The following KREMEN1 variants were observed in gnomAD, a reference collection of about 807,000 sequenced individuals.
KREMEN1 encodes kremen protein 1.
In KREMEN1, 30 loss-of-function variants were observed where a neutral mutation model predicts 46.5. That is an observed-to-expected ratio of 0.65 (90% CI 0.48 to 0.88). The LOEUF is 0.88. Ranked by LOEUF, KREMEN1 falls within the 40% of genes least tolerant of loss-of-function variation. The pLI is 0.00. For synonymous variants in KREMEN1, 214 were observed against 230.6 expected (o/e 0.93, Z 0.65); for missense variants, 533 against 596.9 (o/e 0.89, Z 1.11).
Position 29,164,769 on chromosome 22 carries a change from C to A in KREMEN1, c.1417-2275C>A, listed in dbSNP as rs1377071555. 6.2e-4 allele frequency among the ~76,000 whole-genome samples: 68 copies of A among 109,004 alleles called. 1 individual carries two copies. In the South Asian group the frequency reaches 0.012, roughly 19 times the overall value. 71.5% of individuals were successfully genotyped at this position (109,004 alleles called of 152,430 possible). A position where few individuals can be genotyped will look rare whatever the true frequency, so the allele number is the denominator to read the frequency against. ...CTCAAAAAAAAAACAAAAAAAAAAACCCAAAACAAGGAACTATGATTATCC... is the reference window on the plus strand; with the variant it reads ...CTCAAAAAAAAAACAAAAAAAAAAAACCAAAACAAGGAACTATGATTATCC... On this transcript the variant is annotated intron_variant, in intron 9 of 9. Transcript: ENST00000327813.
chr22:29,094,365 A>G lies in KREMEN1; in HGVS notation c.205A>G (p.Asn69Asp). 6.2e-7 allele frequency: 1 copy of G among 1,614,028 alleles called. No homozygotes were observed. Among genetic ancestry groups the G allele is most frequent in the African/African-American group, 1.3e-5 (1 of 75,010 alleles). The change falls in exon 2 of 9, where the codon AAC becomes GAC. Residue 69 changes from asparagine (N) to aspartate (D), a missense_variant. Asn to Asp is a conservative substitution (Grantham distance 23). Transcript: ENST00000400335. Reference sequence around the variant, plus strand: ...GAACGAGACTTTCCAGCATCCATACAACACTCTGAAATACCCCAACGGGGA... The same window carrying G: ...GAACGAGACTTTCCAGCATCCATACGACACTCTGAAATACCCCAACGGGGA... ...FWNETFQHPY[N>D]TLKYPNGEGG...
chr22:29,150,083 G>C (rs1241633756), downstream of KREMEN1, among the ~76,000 whole-genome samples: 1 of 152,224 alleles, frequency 6.6e-6, no homozygotes, highest in Admixed American at 6.5e-5. Context: ...TCAGCTCAAA[G>C]GGACACTTTA....
chr22:29,114,230 T>C (rs552959870), intron 3 of KREMEN1, among the ~76,000 whole-genome samples: 4 of 152,098 alleles, frequency 2.6e-5, no homozygotes, highest in Admixed American at 6.5e-5. Context: ...ATGCCTGTAA[T>C]CCCAGTACTT....
intron 9 of KREMEN1, among the ~76,000 whole-genome samples, chr22:29,159,071 T>G (rs1235549445): frequency 6.6e-6 from 1 of 150,866 alleles, no homozygotes; most frequent in African/African-American, 2.4e-5. Flanking sequence ...CCACCTGCCT[T>G]GGCCTCCTAA....
chr22:29,104,973 C>T (rs551001635), intron 3 of KREMEN1, among the ~76,000 whole-genome samples: 6 of 152,328 alleles, frequency 3.9e-5, no homozygotes, highest in African/African-American at 1.2e-4. Flanking sequence ...ATTTCTTAAG[C>T]TCTGACCATC....
At chr22:29,106,412 A>T (rs900707436) in intron 3 of KREMEN1, among the ~76,000 whole-genome samples, 31 of 150,922 alleles carry the variant, frequency 2.1e-4, no homozygotes, top group African/African-American at 6.8e-4. Flanking sequence ...TGTATTTTTA[A>T]TAGAGACGGG....
At chr22:29,083,293 A>G (rs967021572) in intron 1 of KREMEN1, among the ~76,000 whole-genome samples, 2 of 152,234 alleles carry the variant, frequency 1.3e-5, no homozygotes, top group Admixed American at 6.5e-5. Context: ...AAATCCATCA[A>G]GGTGCTTTGG....
chr22:29,094,572 TACACACACACACACACACACACACAC>T, intron 2 of KREMEN1, 152 bp downstream of exon 2: 1 of 254,298 alleles, frequency 3.9e-6, no homozygotes, highest in Non-Finnish European at 7.3e-6. Flanking sequence ...TTTCACACCT[TACACACACACACACACACACACACAC>T]ACACACACAC....
At chr22:29,125,544 T>C in intron 5 of KREMEN1, 128 bp downstream of exon 5, 4 of 947,520 alleles carry the variant, frequency 4.2e-6, no homozygotes, top group Non-Finnish European at 6.3e-6. Flanking sequence ...TACTTGTGAC[T>C]AGACCCTGGG....
Position 29,073,258 on chromosome 22 carries a change from C to T in KREMEN1, c.97+31C>T, listed in dbSNP as rs1236817346. 6.6e-5 allele frequency: 68 copies of T among 1,025,096 alleles called. No individual in the cohort carries two copies. The highest frequency in any genetic ancestry group is 8.1e-5 in the Non-Finnish European group (66 of 814,660). The allele number at this position is 1,025,096 out of a possible 1,614,324, so 63.5% of individuals were successfully genotyped here. ...TGTGAGCGACCCCCCGCCGCCCGCCCTGAGCGGAGCCCACTCGAGGGGCGA... is the reference window on the plus strand; with the variant it reads ...TGTGAGCGACCCCCCGCCGCCCGCCTTGAGCGGAGCCCACTCGAGGGGCGA... On this transcript the variant is annotated intron_variant, in intron 1 of 8. Coordinates refer to ENST00000400335, the MANE Select transcript of KREMEN1 (RefSeq NM_001039570.3). This position sits in a 1 kb window ranked among gnomAD's most constrained non-coding sequence, Gnocchi z 4.4.
chr22:29,137,585 T>C lies in KREMEN1; in HGVS notation c.875T>C (p.Leu292Pro). The C allele has an allele frequency of 6.2e-7, 1 of 1,613,696 alleles. No individual in the cohort carries two copies. Among genetic ancestry groups the C allele is most frequent in the Non-Finnish European group, 8.5e-7 (1 of 1,179,592 alleles). ...TTCCACGGGAGGAGCCGCCCACCTCTGTCCTTCAACGTCTCTCTGGACTTC... is the reference window on the plus strand; with the variant it reads ...TTCCACGGGAGGAGCCGCCCACCTCCGTCCTTCAACGTCTCTCTGGACTTC... ...ARFHGRSRPP[L>P]SFNVSLDFVI... The change falls in exon 6 of 9, where the codon CTG (leucine) becomes CCG (proline). Residue 292 changes from leucine (L) to proline (P), a missense_variant. Leu to Pro is a moderately conservative substitution (Grantham distance 98). Transcript: ENST00000400335.
chr22:29,157,365 C>T (rs927774773), intron 9 of KREMEN1, among the ~76,000 whole-genome samples: 3 of 152,100 alleles, frequency 2.0e-5, no homozygotes, highest in Non-Finnish European at 4.4e-5. Context: ...GAGATGGAGT[C>T]TCGCTCTTGT....
chr22:29,099,885 C>A (rs1433462259), intron 3 of KREMEN1, among the ~76,000 whole-genome samples: 2 of 151,926 alleles, frequency 1.3e-5, no homozygotes, highest in Non-Finnish European at 2.9e-5. Context: ...ACTACAAAGA[C>A]AATAGGATAC....
Position 29,146,467 on chromosome 22 carries a change from G to C in KREMEN1, c.*4355G>C, listed in dbSNP as rs1284975398. 1.0e-6 allele frequency: 1 copy of C among 985,454 alleles called. No homozygotes were observed. The highest frequency in any genetic ancestry group is 1.2e-6 in the Non-Finnish European group (1 of 829,966). 61.0% of individuals were successfully genotyped at this position (985,454 alleles called of 1,614,324 possible). ...GGGAAATCTGCTTCAGAAAGGAAGG[G>C]TCTTTAGACACAAAGACTGGAGGCC... On this transcript the variant is annotated 3_prime_UTR_variant, in exon 9 of 9. Coordinates refer to ENST00000400335, the MANE Select transcript of KREMEN1 (RefSeq NM_001039570.3).
rs1484231679 is a variant in KREMEN1 at position 29,146,473 on chromosome 22, A to C, written c.*4361A>C. The C allele has an allele frequency of 1.0e-6, 1 of 985,570 alleles. No individual in the cohort carries two copies. The highest frequency in any genetic ancestry group is 1.1e-4 in the East Asian group (1 of 8,808). 61.1% of individuals were successfully genotyped at this position (985,570 alleles called of 1,614,324 possible). A position where few individuals can be genotyped will look rare whatever the true frequency, so the allele number is the denominator to read the frequency against. On this transcript the variant is annotated 3_prime_UTR_variant, in exon 9 of 9. Transcript: ENST00000400335. The stretch of plus-strand genomic sequence containing the variant: ...TCTGCTTCAGAAAGGAAGGGTCTTT[A>C]GACACAAAGACTGGAGGCCCTTCCC...
chr22:29,139,207 A>G (rs890260482), intron 7 of KREMEN1, among the ~76,000 whole-genome samples: 1 of 152,234 alleles, frequency 6.6e-6, no homozygotes, highest in African/African-American at 2.4e-5. Context: ...ACTGGATTAT[A>G]GAGTGAACCA....
In KREMEN1 at chr22:29,140,292, C is replaced by A; in HGVS notation, c.1134C>A (p.Val378=). 6.2e-7 allele frequency: 1 copy of A among 1,613,880 alleles called. No homozygotes were observed. The highest frequency in any genetic ancestry group is 1.1e-5 in the South Asian group (1 of 91,074). ...HPPQTVPGWT[V]YGLATLLILT... The stretch of plus-strand genomic sequence containing the variant: ...CTTTTGCACTTGCAGGATGGACAGT[C>A]TATGGTCTGGCAACTCTCCTCATCC... The change falls in exon 8 of 9, where the codon GTC becomes GTA. Residue 378 remains valine (V), a synonymous_variant. Coordinates refer to ENST00000400335, the MANE Select transcript of KREMEN1 (RefSeq NM_001039570.3).
intron 5 of KREMEN1, among the ~76,000 whole-genome samples, chr22:29,133,143 G>A (rs945679849): frequency 6.6e-6 from 1 of 151,722 alleles, no homozygotes; most frequent in Non-Finnish European, 1.5e-5. Context: ...AGCTACTTGG[G>A]AGGCTGAGGC....
At chr22:29,095,912 G>C (rs2037877136) in intron 2 of KREMEN1, among the ~76,000 whole-genome samples, 2 of 151,564 alleles carry the variant, frequency 1.3e-5, no homozygotes, top group Non-Finnish European at 2.9e-5. Context: ...AATATATGTG[G>C]TTTAAATAGT....
Sources: gnomAD v4.1 joint callset for allele counts (sites outside exome capture counted in the v4.1 genomes callset) on GRCh38, gnomAD v4.1.1 for gene constraint, Gnocchi (gnomAD v3.1) non-coding constraint, MANE v1.5 for transcripts, NCBI Gene and HGNC (gene_info 2026-07-23, HGNC 2026-07-21) for gene names.